NCKAP5: variants seen among roughly 807,000 people sequenced by gnomAD.
NCKAP5 encodes NCK associated protein 5.
In NCKAP5, 92 loss-of-function variants were observed where a neutral mutation model predicts 167.0. The observed-to-expected ratio is 0.55, with a 90% CI of 0.47 to 0.66. The LOEUF (loss-of-function observed/expected upper bound fraction) is 0.66. Among genes scored for constraint, NCKAP5 ranks in the 30% least tolerant of loss-of-function variants. The pLI, the probability that NCKAP5 is intolerant of heterozygous loss-of-function variation, is 0.00. For synonymous variants in NCKAP5, 891 were observed against 877.4 expected, an observed-to-expected ratio of 1.02 and a Z score of -0.27; for missense variants, 2,378 against 2,315.0, an observed-to-expected ratio of 1.03 and a Z score of -0.56.
At chr2:132,885,511 T>C (rs1692144729) in intron 8 of NCKAP5, among the ~76,000 whole-genome samples, 1 of 152,222 alleles carries the variant, frequency 6.6e-6, no homozygotes, top group Admixed American at 6.5e-5. Flanking sequence ...GATTTCCTGC[T>C]CAGCGTGGTT....
In NCKAP5 at chr2:132,739,202, T is replaced by C. The variant is rs539459611; in HGVS notation, c.5129-7151A>G. Among the ~76,000 whole-genome samples the C allele has an allele frequency of 5.9e-5, 9 of 152,342 alleles. No individual in the cohort carries two copies. In the East Asian group the frequency reaches 1.7e-3, roughly 29 times the overall value. On this transcript the variant is annotated intron_variant, in intron 16 of 19. Transcript: ENST00000409261. Reference sequence around the variant, plus strand: ...GCCACTAATTTGTTTCTCAGCCTTTTCTTCTGCAGATTCAAGTGTCTCCAT... The same window carrying C: ...GCCACTAATTTGTTTCTCAGCCTTTCCTTCTGCAGATTCAAGTGTCTCCAT...
chr2:133,370,655 C>T (rs1685742552), intron 3 of NCKAP5, among the ~76,000 whole-genome samples: 1 of 148,906 alleles, frequency 6.7e-6, no homozygotes, highest in Admixed American at 6.7e-5. Context: ...AATGTGTATG[C>T]AATTTCAAGC....
At chr2:132,887,118 G>T (rs1318412605) in intron 8 of NCKAP5, among the ~76,000 whole-genome samples, 2 of 152,148 alleles carry the variant, frequency 1.3e-5, no homozygotes, top group African/African-American at 4.8e-5. Flanking sequence ...CTTGCGGCAA[G>T]GTACTTCAAG....
At chr2:133,469,839 C>A (rs1292748021) in intron 3 of NCKAP5, among the ~76,000 whole-genome samples, 3 of 151,658 alleles carry the variant, frequency 2.0e-5, no homozygotes, top group African/African-American at 4.8e-5. Context: ...ATGTAGTTCT[C>A]GAGCCTTGGT....
chr2:133,502,010 G>A (rs1000676252), intron 3 of NCKAP5, among the ~76,000 whole-genome samples: 6 of 152,162 alleles, frequency 3.9e-5, no homozygotes, highest in Non-Finnish European at 7.3e-5. Context: ...CTTTATAGGA[G>A]CCTCCAGGCT....
At chr2:133,094,312 G>T (rs2081280705) in intron 6 of NCKAP5, among the ~76,000 whole-genome samples, 2 of 152,184 alleles carry the variant, frequency 1.3e-5, no homozygotes, top group African/African-American at 2.4e-5. Context: ...CACAGAATCA[G>T]GGAGCCGGAG....
At chr2:132,951,121 A>G (rs1407174031) in intron 8 of NCKAP5, among the ~76,000 whole-genome samples, 1 of 152,190 alleles carries the variant, frequency 6.6e-6, no homozygotes, top group African/African-American at 2.4e-5. Flanking sequence ...TGTTCTCTCA[A>G]AACAAACCAC....
intron 3 of NCKAP5, among the ~76,000 whole-genome samples, chr2:133,401,844 T>G (rs1688121432): frequency 6.6e-6 from 1 of 152,336 alleles, no homozygotes; most frequent in Admixed American, 6.5e-5. Flanking sequence ...GTCAAGTTTA[T>G]TAAGCTCCCT....
At chr2:133,096,347 CAG>C (rs2081343406) in intron 6 of NCKAP5, among the ~76,000 whole-genome samples, 2 of 151,992 alleles carry the variant, frequency 1.3e-5, no homozygotes, top group Admixed American at 1.3e-4. Context: ...AAGAATTAGA[CAG>C]ATGTGGTGGT....
At chr2:132,954,281 T>A (rs1327202382) in intron 8 of NCKAP5, among the ~76,000 whole-genome samples, 1 of 152,162 alleles carries the variant, frequency 6.6e-6, no homozygotes, top group Non-Finnish European at 1.5e-5. Flanking sequence ...CAATATTGTA[T>A]CCTATACTGA....
intron 11 of NCKAP5, among the ~76,000 whole-genome samples, chr2:132,858,688 C>A (rs765541220): frequency 9.2e-5 from 14 of 152,132 alleles, no homozygotes; most frequent in Non-Finnish European, 1.8e-4. Context: ...TAGAATGGCT[C>A]CTGGAGGGAG....
chr2:133,000,312 A>G (rs1224420710), intron 6 of NCKAP5, among the ~76,000 whole-genome samples: 3 of 152,224 alleles, frequency 2.0e-5, no homozygotes, highest in Non-Finnish European at 4.4e-5. Flanking sequence ...CTGCAGTTAA[A>G]TTAGAAAGAG....
At chr2:133,325,247 A>T (rs1682353584) in intron 3 of NCKAP5, among the ~76,000 whole-genome samples, 1 of 152,088 alleles carries the variant, frequency 6.6e-6, no homozygotes, top group African/African-American at 2.4e-5. Flanking sequence ...GAGAAATTTG[A>T]ACAGGATTTT....
intron 5 of NCKAP5, among the ~76,000 whole-genome samples, chr2:133,140,973 C>A (rs556094423): frequency 6.6e-6 from 1 of 152,188 alleles, no homozygotes; most frequent in South Asian, 2.1e-4. Context: ...TAGCATATTG[C>A]TGAGCTTTCC....
intron 5 of NCKAP5, among the ~76,000 whole-genome samples, chr2:133,189,611 G>A (rs1559244584): frequency 6.6e-6 from 1 of 152,166 alleles, no homozygotes; most frequent in East Asian, 1.9e-4. Flanking sequence ...TCACCCCTGG[G>A]ATGCAAGGCT....
At chr2:132,909,666 T>G (rs578247775) in intron 8 of NCKAP5, among the ~76,000 whole-genome samples, 2 of 152,308 alleles carry the variant, frequency 1.3e-5, no homozygotes, top group African/African-American at 2.4e-5. Flanking sequence ...GGGCATTGAT[T>G]CATCCATTGG....
chr2:133,529,252 C>T (rs1322038197), intron 2 of NCKAP5, among the ~76,000 whole-genome samples: 9 of 152,050 alleles, frequency 5.9e-5, no homozygotes, highest in Non-Finnish European at 8.8e-5. Context: ...CTTTTACTCT[C>T]CCTCTTTCTA....
intron 6 of NCKAP5, among the ~76,000 whole-genome samples, chr2:133,105,818 G>A: frequency 6.6e-6 from 1 of 152,190 alleles, no homozygotes; most frequent in Non-Finnish European, 1.5e-5. Context: ...CTGTTGCTCA[G>A]TTTAAACTAT....
intron 3 of NCKAP5, among the ~76,000 whole-genome samples, chr2:133,388,114 G>T (rs911914288): frequency 6.6e-6 from 1 of 152,210 alleles, no homozygotes; most frequent in East Asian, 1.9e-4. Context: ...AGGAAGAGAG[G>T]TGCTCTGATT....
Sources: gnomAD v4.1 joint callset for allele counts (sites outside exome capture counted in the v4.1 genomes callset) on GRCh38, gnomAD v4.1.1 for gene constraint, MANE v1.5 for transcripts, NCBI Gene and HGNC (gene_info 2026-07-23, HGNC 2026-07-21) for gene names.